Variants in CLSTN2 observed in about 807,000 individuals in gnomAD.
CLSTN2 encodes the protein calsyntenin-2.
Under a neutral mutation model 101.2 loss-of-function variants are expected in CLSTN2, and 48 were observed. The observed-to-expected ratio is 0.47, with a 90% confidence interval of 0.38 to 0.60. CLSTN2 has a LOEUF of 0.60. Ranked by LOEUF, CLSTN2 falls within the 20% of genes least tolerant of loss-of-function variation. The pLI, the probability that CLSTN2 is intolerant of heterozygous loss-of-function variation, is 0.00. For synonymous variants in CLSTN2, 481 were observed against 463.6 expected, an observed-to-expected ratio of 1.04 and a Z score of -0.48; for missense variants, 1,160 against 1,238.2, an observed-to-expected ratio of 0.94 and a Z score of 0.95.
At chr3:140,336,355 G>A (rs1302790682) in intron 2 of CLSTN2, among the ~76,000 whole-genome samples, 1 of 152,188 alleles carries the variant, frequency 6.6e-6, no homozygotes, top group Non-Finnish European at 1.5e-5. Context: ...AAACTCAGGT[G>A]GAACAACCAA....
chr3:140,502,435 A>G (rs1253163479), intron 8 of CLSTN2, among the ~76,000 whole-genome samples: 3 of 152,132 alleles, frequency 2.0e-5, no homozygotes, highest in South Asian at 4.1e-4. Context: ...CAGCTTGGGG[A>G]GTCTTAGGCA....
rs150819163 is a variant in CLSTN2, at chr3:140,555,809, C to A, written c.1675-704C>A. On this transcript the variant is annotated intron_variant, in intron 10 of 16. Coordinates refer to ENST00000458420, the MANE Select transcript of CLSTN2 (RefSeq NM_022131.3). ...ACATGGAGAGGGCAAGGATCTATGT[C>A]CAGCTTGAGTACCCAAGTGACTCAG... is the stretch of plus-strand genomic sequence containing the variant. 3.4e-3 allele frequency among the ~76,000 whole-genome samples: 517 copies of A among 152,258 alleles called. 4 individuals are homozygous for A. The highest frequency in any genetic ancestry group is 0.011 in the African/African-American group (473 of 41,542).
At chr3:140,071,602 C>T (rs1447852059) in intron 1 of CLSTN2, among the ~76,000 whole-genome samples, 6 of 152,150 alleles carry the variant, frequency 3.9e-5, no homozygotes, top group South Asian at 4.1e-4. Flanking sequence ...GAGGCTGAGG[C>T]GGGTGGATCA....
intron 7 of CLSTN2, among the ~76,000 whole-genome samples, chr3:140,464,500 TCACCAA>T (rs1433660406): frequency 6.6e-6 from 1 of 152,172 alleles, no homozygotes; most frequent in Non-Finnish European, 1.5e-5. Flanking sequence ...GCAAATCACA[TCACCAA>T]CACAGTGAAT....
At chr3:139,955,409 T>C (rs1935375478) in intron 1 of CLSTN2, among the ~76,000 whole-genome samples, 2 of 152,120 alleles carry the variant, frequency 1.3e-5, no homozygotes, top group African/African-American at 4.8e-5. Flanking sequence ...GGCTGGTGTT[T>C]AGGTTATCCA....
chr3:140,531,265 G>C (rs1368499752), intron 8 of CLSTN2, among the ~76,000 whole-genome samples: 2 of 152,122 alleles, frequency 1.3e-5, no homozygotes, highest in Admixed American at 1.3e-4. Context: ...TCAGACTAAT[G>C]GGCTTCAAAA....
chr3:139,984,739 G>A (rs1018507541), intron 1 of CLSTN2, among the ~76,000 whole-genome samples: 1 of 152,110 alleles, frequency 6.6e-6, no homozygotes, highest in African/African-American at 2.4e-5. Flanking sequence ...GCTGTGATGA[G>A]ATGTTTTAAA....
At chr3:140,120,559 G>A (rs2009324178) in intron 1 of CLSTN2, among the ~76,000 whole-genome samples, 1 of 152,204 alleles carries the variant, frequency 6.6e-6, no homozygotes. Context: ...CCCAGAGGTT[G>A]GGGAATGGGG....
At chr3:140,540,869 TG>T (rs1257147652) in intron 9 of CLSTN2, among the ~76,000 whole-genome samples, 1 of 152,238 alleles carries the variant, frequency 6.6e-6, no homozygotes, top group Non-Finnish European at 1.5e-5. Context: ...GAAAGGAATC[TG>T]GGGGAATGAG....
chr3:140,165,938 TG>T, intron 1 of CLSTN2, among the ~76,000 whole-genome samples: 1 of 152,274 alleles, frequency 6.6e-6, no homozygotes, highest in South Asian at 2.1e-4. Flanking sequence ...AGAAGGCTGA[TG>T]AGTCTGTGAA....
intron 5 of CLSTN2, among the ~76,000 whole-genome samples, chr3:140,426,434 A>G (rs2088565689): frequency 6.6e-6 from 1 of 152,182 alleles, no homozygotes. Context: ...AGCTCCATCC[A>G]TGTCCCTGCA....
intron 4 of CLSTN2, among the ~76,000 whole-genome samples, chr3:140,420,571 C>T (rs1196873431): frequency 1.3e-5 from 2 of 152,066 alleles, no homozygotes; most frequent in East Asian, 3.9e-4. Flanking sequence ...TTCTTCGGGG[C>T]GAAAAGTGTG....
At chr3:140,517,933 G>C (rs552508780) in intron 8 of CLSTN2, among the ~76,000 whole-genome samples, 24 of 152,276 alleles carry the variant, frequency 1.6e-4, no homozygotes, top group African/African-American at 5.5e-4. Context: ...GGTAGAGAAA[G>C]ACCATCAGGT....
chr3:140,163,517 G>A (rs2010085015), intron 1 of CLSTN2, among the ~76,000 whole-genome samples: 1 of 151,724 alleles, frequency 6.6e-6, no homozygotes, highest in South Asian at 2.1e-4. Context: ...TTTCTCTGGT[G>A]AACCCTGACT....
Position 140,184,050 on chromosome 3 carries a change from G to C in CLSTN2, c.232+7977G>C, listed in dbSNP as rs529599390. ...CTGCTCGTCTGAGCCAGGCTCAACT[G>C]ATCTCAGCTGGGCTTGTTTATGTCT... On this transcript the variant is annotated intron_variant, in intron 2 of 16. Coordinates refer to ENST00000458420, the MANE Select transcript of CLSTN2 (RefSeq NM_022131.3). Among the ~76,000 whole-genome samples, 15 of 152,280 alleles carry C rather than the reference G, an allele frequency of 9.9e-5. No individual in the cohort carries two copies. The East Asian group carries it at 2.5e-3, about 26-fold the overall frequency.
intron 1 of CLSTN2, among the ~76,000 whole-genome samples, chr3:140,161,468 T>C (rs560890886): frequency 9.2e-5 from 14 of 152,268 alleles, no homozygotes; most frequent in African/African-American, 3.4e-4. Context: ...CTCCCCTTCC[T>C]TTTTCCAAAA....
chr3:140,011,503 A>G (rs868546681), intron 1 of CLSTN2, among the ~76,000 whole-genome samples: 9 of 152,178 alleles, frequency 5.9e-5, no homozygotes, highest in South Asian at 4.1e-4. Flanking sequence ...AATCTCTCTG[A>G]ACCTCAGAAT....
At chr3:140,457,440 C>G (rs750533912) in intron 6 of CLSTN2, among the ~76,000 whole-genome samples, 13 of 152,118 alleles carry the variant, frequency 8.5e-5, no homozygotes, top group Admixed American at 2.0e-4. Flanking sequence ...TGCACTTTCC[C>G]CAAAAAACCA....
In CLSTN2 at chr3:140,061,636, C is replaced by T. The variant is rs568715079; in HGVS notation, c.110-114315C>T. On this transcript the variant is annotated intron_variant, in intron 1 of 16. Transcript: ENST00000458420. ...TAGAAGTTACTTTCCTATCATAACT[C>T]CTGCCGGGCTCTAAACCAAAGATAA... Among the ~76,000 whole-genome samples, 52 of 152,334 alleles carry T rather than the reference C, an allele frequency of 3.4e-4. No homozygotes were observed. The South Asian group carries it at 0.011, about 31-fold the overall frequency.
Sources: gnomAD v4.1 joint callset for allele counts (sites outside exome capture counted in the v4.1 genomes callset) on GRCh38, gnomAD v4.1.1 for gene constraint, MANE v1.5 for transcripts, NCBI Gene and HGNC (gene_info 2026-07-23, HGNC 2026-07-21) for gene names.